HABP4: variants seen among roughly 807,000 people sequenced by gnomAD.
The protein encoded by HABP4 is intracellular hyaluronan-binding protein 4.
Under a neutral mutation model 44.1 loss-of-function variants are expected in HABP4, and 32 were observed. The ratio of observed to expected loss-of-function variants is 0.73; its 90% confidence interval spans 0.55 to 0.97. HABP4 has a LOEUF of 0.97. Among genes scored for constraint, HABP4 ranks in the 50% least tolerant of loss-of-function variants. The pLI is 0.00. For synonymous variants in HABP4, 216 were observed against 218.0 expected (o/e 0.99, Z 0.08); for missense variants, 503 against 561.9 (o/e 0.90, Z 1.06).
chr9:96,480,444 A>C (rs964999755), intron 5 of HABP4, among the ~76,000 whole-genome samples: 2 of 152,122 alleles, frequency 1.3e-5, no homozygotes, highest in Non-Finnish European at 2.9e-5. Context: ...TTGCCAATAT[A>C]TATTTGAGAT....
chr9:96,470,469 G>GT (rs910285430), intron 4 of HABP4, among the ~76,000 whole-genome samples: 3 of 152,196 alleles, frequency 2.0e-5, no homozygotes, highest in South Asian at 4.1e-4. Context: ...AATTATTCAA[G>GT]TTTTGTTTTA....
intron 5 of HABP4, among the ~76,000 whole-genome samples, chr9:96,475,574 T>C (rs2131145590): frequency 6.6e-6 from 1 of 152,310 alleles, no homozygotes; most frequent in South Asian, 2.1e-4. Context: ...ACCTGGCTCA[T>C]GTGCAGAGCC....
At chr9:96,479,219 A>G (rs1231817140) in intron 5 of HABP4, among the ~76,000 whole-genome samples, 1 of 152,188 alleles carries the variant, frequency 6.6e-6, no homozygotes, top group Non-Finnish European at 1.5e-5. Flanking sequence ...GTTCTGAGTA[A>G]CATTGTGCTT....
intron 2 of HABP4, among the ~76,000 whole-genome samples, chr9:96,461,256 A>T (rs910373240): frequency 2.6e-5 from 4 of 152,212 alleles, no homozygotes; most frequent in Non-Finnish European, 5.9e-5. Flanking sequence ...GGTAAATGTT[A>T]TGGTATGTAT....
At chr9:96,476,830 A>G (rs954396733) in intron 5 of HABP4, among the ~76,000 whole-genome samples, 9 of 152,350 alleles carry the variant, frequency 5.9e-5, no homozygotes, top group East Asian at 1.9e-4. Context: ...GCTGCTTTCA[A>G]CGTGGCTTGT....
At chr9:96,459,695 G>GTTTTAACCAAAAAATGTGGCT (rs1356216071) in intron 2 of HABP4, among the ~76,000 whole-genome samples, 1 of 151,982 alleles carries the variant, frequency 6.6e-6, no homozygotes, top group Non-Finnish European at 1.5e-5. Context: ...CTGGCTACAA[G>GTTTTAACCAAAAAATGTGGCT]TTTTAACCAA....
At chr9:96,487,790 G>A (rs1833000766) in intron 6 of HABP4, among the ~76,000 whole-genome samples, 1 of 152,226 alleles carries the variant, frequency 6.6e-6, no homozygotes, top group Non-Finnish European at 1.5e-5. Context: ...CTGCTCAGCT[G>A]ATAGAAATTT....
chr9:96,488,498 C>G lies in HABP4; in HGVS notation c.1185+224C>G, dbSNP rs1163031228. Among the ~76,000 whole-genome samples the G allele has an allele frequency of 2.0e-5, 3 of 152,118 alleles. No individual in the cohort carries two copies. Among genetic ancestry groups the G allele is most frequent in the Non-Finnish European group, 4.4e-5 (3 of 68,018 alleles). ...TCCAGGGTCTGCTGTGAAGGCACTC[C>G]CGGGATCAGAGAGAAACTCACTGTC... is the stretch of plus-strand genomic sequence containing the variant. On this transcript the variant is annotated intron_variant, in intron 7 of 7. Transcript: ENST00000375249. This position sits in a 1 kb window ranked among gnomAD's most constrained non-coding sequence, Gnocchi z 4.6.
intron 1 of HABP4, among the ~76,000 whole-genome samples, chr9:96,455,134 T>A (rs1487229389): frequency 6.6e-6 from 1 of 151,638 alleles, no homozygotes; most frequent in Non-Finnish European, 1.5e-5. Flanking sequence ...AAAGTGTCAT[T>A]ATCTTGATAT....
intron 4 of HABP4, among the ~76,000 whole-genome samples, chr9:96,468,397 A>G (rs1832641766): frequency 6.6e-6 from 1 of 151,936 alleles, no homozygotes; most frequent in Non-Finnish European, 1.5e-5. Context: ...AGCTGGGACT[A>G]CAGGCGCATG....
At chr9:96,469,006 G>A (rs1454776544) in intron 4 of HABP4, among the ~76,000 whole-genome samples, 1 of 152,206 alleles carries the variant, frequency 6.6e-6, no homozygotes, top group Admixed American at 6.5e-5. Flanking sequence ...GGGCTTTGCT[G>A]TAGTCGAGTA....
chr9:96,456,605 A>G (rs1396962441), intron 1 of HABP4, among the ~76,000 whole-genome samples: 1 of 151,096 alleles, frequency 6.6e-6, no homozygotes, highest in East Asian at 2.0e-4. Flanking sequence ...CTAAAAATAC[A>G]AAAAATTAGC....
At chr9:96,469,287 A>G (rs1431484960) in intron 4 of HABP4, among the ~76,000 whole-genome samples, 2 of 152,250 alleles carry the variant, frequency 1.3e-5, no homozygotes, top group Non-Finnish European at 1.5e-5. Flanking sequence ...TATTGTGAAG[A>G]GCAAGACAGT....
chr9:96,477,742 A>G (rs1217831649), intron 5 of HABP4, among the ~76,000 whole-genome samples: 1 of 152,210 alleles, frequency 6.6e-6, no homozygotes, highest in Non-Finnish European at 1.5e-5. Flanking sequence ...CATATTTAGC[A>G]TGTACAGTTT....
chr9:96,482,174 A>C (rs528241612), intron 5 of HABP4, among the ~76,000 whole-genome samples: 1 of 152,132 alleles, frequency 6.6e-6, no homozygotes, highest in Non-Finnish European at 1.5e-5. Context: ...TCCTGACCTC[A>C]TGATCCGCCT....
chr9:96,475,049 C>A (rs1410003485), intron 5 of HABP4, among the ~76,000 whole-genome samples: 2 of 152,096 alleles, frequency 1.3e-5, no homozygotes, highest in Non-Finnish European at 2.9e-5. Context: ...TCCGACGATA[C>A]CTGTGACGAC....
At chr9:96,475,995 A>T (rs1222431390) in intron 5 of HABP4, among the ~76,000 whole-genome samples, 1 of 152,230 alleles carries the variant, frequency 6.6e-6, no homozygotes, top group Non-Finnish European at 1.5e-5. Flanking sequence ...TCTTTCATAT[A>T]TTCAGGTGAA....
chr9:96,489,016 C>T (rs761042838), intron 7 of HABP4, among the ~76,000 whole-genome samples: 6 of 152,136 alleles, frequency 3.9e-5, no homozygotes, highest in Non-Finnish European at 7.4e-5. Flanking sequence ...GGTATGGACA[C>T]TTATTCATTG....
At chr9:96,470,758 G>T (rs549469323) in intron 4 of HABP4, among the ~76,000 whole-genome samples, 1 of 151,782 alleles carries the variant, frequency 6.6e-6, no homozygotes, top group Non-Finnish European at 1.5e-5. Context: ...TTAGCTGGGC[G>T]TGGTGGTGGA....
Sources: gnomAD v4.1 joint callset for allele counts (sites outside exome capture counted in the v4.1 genomes callset) on GRCh38, gnomAD v4.1.1 for gene constraint, Gnocchi (gnomAD v3.1) non-coding constraint, MANE v1.5 for transcripts, NCBI Gene and HGNC (gene_info 2026-07-23, HGNC 2026-07-21) for gene names.